The following EIF3M variants were observed in gnomAD, a reference collection of about 807,000 sequenced individuals.
The protein encoded by EIF3M is B5 receptor.
In EIF3M, 25 loss-of-function variants were observed where a neutral mutation model predicts 49.7. The observed-to-expected ratio is 0.50, with a 90% CI of 0.37 to 0.70. EIF3M has a LOEUF of 0.70. Among genes scored for constraint, EIF3M ranks in the 30% least tolerant of loss-of-function variants. The pLI is 0.00. For missense variants in EIF3M, 350 were observed against 440.0 expected, an observed-to-expected ratio of 0.80 and a Z score of 1.83; for synonymous variants, 156 against 149.8, an observed-to-expected ratio of 1.04 and a Z score of -0.30.
chr11:32,597,190 T>C (rs1855193673), intron 8 of EIF3M, among the ~76,000 whole-genome samples: 1 of 152,374 alleles, frequency 6.6e-6, no homozygotes, highest in South Asian at 2.1e-4. Flanking sequence ...TAAAATTTGA[T>C]GATTAAAGGT....
intron 6 of EIF3M, 169 bp downstream of exon 6, chr11:32,594,118 A>G (rs1855144075): frequency 4.9e-6 from 2 of 411,870 alleles, no homozygotes; most frequent in Non-Finnish European, 8.5e-6. Context: ...AAGGTTTGAT[A>G]TTGGAAGAAC....
chr11:32,584,607 CAAA>C (rs796738414), intron 1 of EIF3M, among the ~76,000 whole-genome samples: 1,955 of 62,304 alleles, frequency 0.031, 74 homozygotes, highest in African/African-American at 0.11. Flanking sequence ...GAGTCCCTCT[CAAA>C]AAAAAAAAAA....
Position 32,603,182 on chromosome 11 carries a change from G to A in EIF3M, c.*783G>A. On this transcript the variant is annotated 3_prime_UTR_variant, in exon 11 of 11. Coordinates refer to ENST00000531120, the MANE Select transcript of EIF3M (RefSeq NM_006360.6). ...CACCAGAAAAGTATACAATGTGAAT[G>A]TGTAGGCTTATGTAGTAGATCTTCA... The A allele has an allele frequency of 1.7e-6, 1 of 576,148 alleles. No individual in the cohort carries two copies. The highest frequency in any genetic ancestry group is 3.0e-6 in the Non-Finnish European group (1 of 332,716). 35.7% of individuals were successfully genotyped at this position (576,148 alleles called of 1,614,324 possible).
intron 1 of EIF3M, among the ~76,000 whole-genome samples, chr11:32,585,810 A>G (rs1854988857): frequency 6.7e-6 from 1 of 150,324 alleles, no homozygotes; most frequent in African/African-American, 2.5e-5. Context: ...AACTAAATAT[A>G]CTTGGGGGTT....
At chr11:32,592,209 C>T (rs1465300945) in intron 5 of EIF3M, 1 of 377,120 alleles carries the variant, frequency 2.7e-6, no homozygotes, top group East Asian at 6.6e-5. Flanking sequence ...CATAAAGTTG[C>T]TAGATCCACT....
chr11:32,587,369 A>G (rs1356004445), intron 2 of EIF3M, among the ~76,000 whole-genome samples: 1 of 152,208 alleles, frequency 6.6e-6, no homozygotes, highest in Non-Finnish European at 1.5e-5. Context: ...TGATACATGT[A>G]TGCAATGTGT....
chr11:32,598,242 A>G (rs1855209305), intron 8 of EIF3M, among the ~76,000 whole-genome samples: 2 of 152,184 alleles, frequency 1.3e-5, no homozygotes, highest in Non-Finnish European at 2.9e-5. Context: ...AAGCTATTGC[A>G]TGCATTAAAA....
At chr11:32,588,920 G>A (rs1855048850) in intron 3 of EIF3M, 92 bp from the exon 4 acceptor site, 11 of 1,548,082 alleles carry the variant, frequency 7.1e-6, no homozygotes, top group Middle Eastern at 1.7e-4. Flanking sequence ...AGTTGTTAAC[G>A]GTACCTGCCA....
Position 32,602,843 on chromosome 11 carries a change from C to G in EIF3M, c.*444C>G, listed in dbSNP as rs761314792. The G allele has an allele frequency of 1.8e-5, 29 of 1,607,378 alleles. No individual in the cohort carries two copies. Among genetic ancestry groups the G allele is most frequent in the Non-Finnish European group, 1.7e-6 (2 of 1,177,296 alleles). ...AATCTGTTGTTTTTTTCCAACGTCT[C>G]TTCTGCTTTTCTTTTCTTTGGCTGG... On this transcript the variant is annotated 3_prime_UTR_variant, in exon 11 of 11. Coordinates refer to ENST00000531120, the MANE Select transcript of EIF3M (RefSeq NM_006360.6).
At chr11:32,600,589 A>G in intron 8 of EIF3M, 100 bp from the exon 9 acceptor site, 1 of 1,325,568 alleles carries the variant, frequency 7.5e-7, no homozygotes, top group African/African-American at 1.5e-5. Flanking sequence ...TTCCACAATT[A>G]CAAAAGTAAA....
chr11:32,594,014 TTAAG>T, intron 6 of EIF3M, 65 bp downstream of exon 6: 1 of 1,138,962 alleles, frequency 8.8e-7, no homozygotes, highest in Non-Finnish European at 1.2e-6. Flanking sequence ...CAATATTAAA[TTAAG>T]TAACTGAAAT....
chr11:32,590,794 G>A (rs187022036), intron 5 of EIF3M, among the ~76,000 whole-genome samples: 30 of 151,872 alleles, frequency 2.0e-4, no homozygotes, highest in African/African-American at 7.2e-4. Context: ...CAAGTTTATG[G>A]GTGCCCCCTT....
rs918712862 is a variant in EIF3M, at chr11:32,589,432, T to A, written c.439-115T>A. ...TTCAGTTGATCCTCCTGCCTTGGCC[T>A]CCCAAAGTGCTGGGGATTATAGGCG... On this transcript the variant is annotated intron_variant, in intron 4 of 10. Transcript: ENST00000531120. 8.3e-6 allele frequency: 9 copies of A among 1,082,472 alleles called. No individual in the cohort carries two copies. In the African/African-American group the frequency reaches 1.4e-4, roughly 17 times the overall value. The allele number at this position is 1,082,472 out of a possible 1,614,324, so 67.1% of individuals were successfully genotyped here.
At position 32,588,878 on chromosome 11, in the gene EIF3M, T is replaced by C. The variant is rs897300187; in HGVS notation, c.315-134T>C. 3.9e-6 allele frequency: 6 copies of C among 1,532,868 alleles called. No individual in the cohort carries two copies. In the Admixed American group the frequency reaches 5.8e-5, roughly 15 times the overall value. The allele number at this position is 1,532,868 out of a possible 1,614,324, so 95.0% of individuals were successfully genotyped here. On this transcript the variant is annotated intron_variant, in intron 3 of 10. Coordinates refer to ENST00000531120, the MANE Select transcript of EIF3M (RefSeq NM_006360.6). Reference sequence around the variant, plus strand: ...GACCTTGGGCAAGTGGCTTGACCTTTCTGTGCCCTAGTTTCCTCCTTTGTA... The same window carrying C: ...GACCTTGGGCAAGTGGCTTGACCTTCCTGTGCCCTAGTTTCCTCCTTTGTA...
At chr11:32,586,253 C>G (rs1334951218) in intron 1 of EIF3M, among the ~76,000 whole-genome samples, 1 of 149,976 alleles carries the variant, frequency 6.7e-6, no homozygotes, top group African/African-American at 2.4e-5. Flanking sequence ...CAAAACAAAA[C>G]AAAAAAAAAC....
In EIF3M at chr11:32,602,805, T is replaced by C. The variant is rs377689705; in HGVS notation, c.*406T>C. 50 of 1,552,538 alleles carry C rather than the reference T, an allele frequency of 3.2e-5. No homozygotes were observed. Among genetic ancestry groups the C allele is most frequent in the Non-Finnish European group, 3.9e-5 (45 of 1,143,508 alleles). On this transcript the variant is annotated 3_prime_UTR_variant, in exon 11 of 11. Coordinates refer to ENST00000531120, the MANE Select transcript of EIF3M (RefSeq NM_006360.6). ...ATAATTTCACTACTGAAAGCACTTA[T>C]CTACATTATTTTAATCTGTTGTTTT... is the stretch of plus-strand genomic sequence containing the variant.
chr11:32,602,848 G>A lies in EIF3M; in HGVS notation c.*449G>A. The A allele has an allele frequency of 6.2e-7, 1 of 1,608,504 alleles. No individual in the cohort carries two copies. Among genetic ancestry groups the A allele is most frequent in the Non-Finnish European group, 8.5e-7 (1 of 1,177,710 alleles). On this transcript the variant is annotated 3_prime_UTR_variant, in exon 11 of 11. Coordinates refer to ENST00000531120, the MANE Select transcript of EIF3M (RefSeq NM_006360.6). Reference sequence around the variant, plus strand: ...GTTGTTTTTTTCCAACGTCTCTTCTGCTTTTCTTTTCTTTGGCTGGTTGTC... The same window carrying A: ...GTTGTTTTTTTCCAACGTCTCTTCTACTTTTCTTTTCTTTGGCTGGTTGTC...
chr11:32,589,549 T>C lies in EIF3M; in HGVS notation c.441T>C (p.Val147=). ...IQYIPTELDQ[V]RKWISDWNLT... is the part of the protein sequence containing the mutation. Reference sequence around the variant, plus strand: ...CTCCTTTTGTCAATCTCTTGTAGGTTAGAAAATGGATTTCTGACTGGAATC... The same window carrying C: ...CTCCTTTTGTCAATCTCTTGTAGGTCAGAAAATGGATTTCTGACTGGAATC... The change falls in exon 5 of 11, where the codon GTT becomes GTC. Residue 147 remains valine, a splice_region_variant and synonymous_variant. Transcript: ENST00000531120. 6.2e-7 allele frequency: 1 copy of C among 1,613,962 alleles called. No homozygotes were observed. Among genetic ancestry groups the C allele is most frequent in the Non-Finnish European group, 8.5e-7 (1 of 1,179,820 alleles).
intron 1 of EIF3M, 170 bp from the exon 2 acceptor site, chr11:32,586,842 T>TG (rs2133192778): frequency 2.5e-6 from 2 of 797,958 alleles, no homozygotes; most frequent in African/African-American, 1.7e-5. Flanking sequence ...GGAAAACCTG[T>TG]GGCTCTTGTG....
Sources: gnomAD v4.1 joint callset for allele counts (sites outside exome capture counted in the v4.1 genomes callset) on GRCh38, gnomAD v4.1.1 for gene constraint, MANE v1.5 for transcripts, NCBI Gene and HGNC (gene_info 2026-07-23, HGNC 2026-07-21) for gene names.